Variants in VPS13C observed in about 807,000 individuals in gnomAD.
VPS13C encodes the protein vacuolar protein sorting 13 homolog C, also known as intermembrane lipid transfer protein VPS13C.
In VPS13C, 358 loss-of-function variants were observed where a neutral mutation model predicts 456.8. The ratio of observed to expected loss-of-function variants is 0.78; its 90% CI spans 0.72 to 0.86. The LOEUF is 0.86. Among genes scored for constraint, VPS13C ranks in the 40% least tolerant of loss-of-function variants. The pLI, the probability that VPS13C is intolerant of heterozygous loss-of-function variation, is 0.00. For missense variants in VPS13C, 4,818 were observed against 4,385.4 expected (o/e 1.10, Z -2.79); for synonymous variants, 1,578 against 1,486.7 (o/e 1.06, Z -1.41).
intron 16 of VPS13C, 26 bp downstream of exon 16, chr15:62,000,538 T>G: frequency 1.3e-6 from 2 of 1,597,406 alleles, no homozygotes; most frequent in Non-Finnish European, 1.7e-6. Flanking sequence ...GTTTAAAACA[T>G]AAAATCAGCT....
chr15:62,000,547 C>A lies in VPS13C; in HGVS notation c.1353+17G>T, dbSNP rs376246951. The A allele has an allele frequency of 6.3e-6, 10 of 1,598,434 alleles. No individual in the cohort carries two copies. The highest frequency in any genetic ancestry group is 8.5e-6 in the Non-Finnish European group (10 of 1,173,222). On this transcript the variant is annotated intron_variant, in intron 16 of 84. Transcript: ENST00000644861. ...TAACATGTTTAAAACATAAAATCAG[C>A]TAATAAAAATGATTACCTCAACTTG...
At chr15:61,918,995 T>C (rs1170643967) in intron 58 of VPS13C, among the ~76,000 whole-genome samples, 1 of 152,096 alleles carries the variant, frequency 6.6e-6, no homozygotes, top group Non-Finnish European at 1.5e-5. Context: ...GTTCTGAATA[T>C]TTAAAGGAAT....
At chr15:61,889,405 T>C (rs550095471) in intron 67 of VPS13C, among the ~76,000 whole-genome samples, 2 of 152,252 alleles carry the variant, frequency 1.3e-5, no homozygotes, top group African/African-American at 4.8e-5. Flanking sequence ...GTTCATTACA[T>C]AGACTATCTA....
At position 61,897,758 on chromosome 15, in the gene VPS13C, A is replaced by C. The variant is rs567389453; in HGVS notation, c.9106-7358T>G. 5.3e-5 allele frequency among the ~76,000 whole-genome samples: 8 copies of C among 152,282 alleles called. No individual in the cohort carries two copies. The South Asian group carries it at 1.7e-3, about 32-fold the overall frequency. On this transcript the variant is annotated intron_variant, in intron 66 of 84. Transcript: ENST00000644861. ...ATACAGGAAATACAGAAAACACCAC[A>C]AAGATACTCCTCGAGAAGAGCAACT...
chr15:61,889,626 CTG>C (rs2140067578), intron 67 of VPS13C, among the ~76,000 whole-genome samples: 1 of 152,276 alleles, frequency 6.6e-6, no homozygotes, highest in South Asian at 2.1e-4. Context: ...GAGAAAATAA[CTG>C]GTCCCATAAC....
rs374129084 is a variant in VPS13C, at chr15:61,983,890, T to C, written c.1844A>G (p.Asn615Ser). 38 of 1,614,008 alleles carry C rather than the reference T, an allele frequency of 2.4e-5. No homozygotes were observed. In the African/African-American group the frequency reaches 4.5e-4, roughly 19 times the overall value. The part of the protein sequence containing the change: ...SSLLKIKFET[N>S]PEDSPADQTL... ...CTGGTCAGCAGGACTATCCTCCGGA[T>C]TGGTTTCAAATTTAATTTTAAGCAA... Residue 615 changes from asparagine (N) to serine (S), a missense_variant, in exon 20 of 85, where the codon AAT becomes AGT. Physicochemically the swap from Asn to Ser is conservative, Grantham distance 46. This residue lies in a region of VPS13C where 4,552 missense variants were observed against 4,130.6 expected (regional missense o/e 1.10). Coordinates refer to ENST00000644861, the MANE Select transcript of VPS13C (RefSeq NM_020821.3).
intron 1 of VPS13C, among the ~76,000 whole-genome samples, chr15:62,047,400 TGCACTCCAGCCTGGGTGACA>T (rs1000410261): frequency 2.0e-5 from 3 of 151,150 alleles, no homozygotes; most frequent in Non-Finnish European, 2.9e-5. Context: ...ATTGTGCCAC[TGCACTCCAGCCTGGGTGACA>T]GCAAGACTCC....
chr15:62,043,731 GA>G (rs1245459613), intron 2 of VPS13C, among the ~76,000 whole-genome samples: 1 of 152,196 alleles, frequency 6.6e-6, no homozygotes, highest in Non-Finnish European at 1.5e-5. Context: ...CTAATTGGGG[GA>G]TGGAGGGCAT....
intron 3 of VPS13C, among the ~76,000 whole-genome samples, chr15:62,036,724 C>T (rs1015207217): frequency 6.6e-6 from 1 of 152,014 alleles, no homozygotes; most frequent in Non-Finnish European, 1.5e-5. Context: ...GTTCCCTAAA[C>T]CTTTTCTTCT....
chr15:61,949,530 C>T lies in VPS13C; in HGVS notation c.4672G>A (p.Ala1558Thr). 6.2e-7 allele frequency: 1 copy of T among 1,613,406 alleles called. No individual in the cohort carries two copies. Among genetic ancestry groups the T allele is most frequent in the Middle Eastern group, 1.7e-4 (1 of 6,060 alleles). Residue 1558 changes from alanine to threonine, a missense_variant, in exon 42 of 85, where the codon GCT becomes ACT. Physicochemically the swap from Ala to Thr is moderately conservative, Grantham distance 58. Transcript: ENST00000644861. The stretch of plus-strand genomic sequence containing the variant: ...GAAGAGGAAGGCTCAGAGAATGGAG[C>T]AGCAGATGATAAAAAATCCATGAAG... ...LSFMDFLSSA[A>T]PFSEPSSSEK...
chr15:61,960,613 A>G (rs973487634), intron 35 of VPS13C, among the ~76,000 whole-genome samples: 3 of 152,222 alleles, frequency 2.0e-5, no homozygotes, highest in African/African-American at 7.2e-5. Flanking sequence ...CTATTCTCAA[A>G]TGATTTAGCA....
chr15:61,884,690 A>C (rs1439430200), intron 67 of VPS13C, among the ~76,000 whole-genome samples: 1 of 152,004 alleles, frequency 6.6e-6, no homozygotes, highest in Non-Finnish European at 1.5e-5. Context: ...ATTAATGAAA[A>C]AAAAAACTTC....
Position 61,867,575 on chromosome 15 carries a change from C to T in VPS13C, c.10863+1084G>A. 9.8e-7 allele frequency: 1 copy of T among 1,024,686 alleles called. No homozygotes were observed. The highest frequency in any genetic ancestry group is 1.2e-6 in the Non-Finnish European group (1 of 856,674). The allele number at this position is 1,024,686 out of a possible 1,614,324, so 63.5% of individuals were successfully genotyped here. ...TGGACATAATAATTGTCCTGTTTTT[C>T]AATTTTACCTGAAATGCACATGAAC... On this transcript the variant is annotated intron_variant, in intron 81 of 84. Coordinates refer to ENST00000644861, the MANE Select transcript of VPS13C (RefSeq NM_020821.3). The surrounding 1 kb of genome is among the most constrained non-coding windows in gnomAD (Gnocchi z 5.0).
chr15:61,970,834 A>G (rs984752598), intron 27 of VPS13C, among the ~76,000 whole-genome samples: 1 of 150,848 alleles, frequency 6.6e-6, no homozygotes, highest in Admixed American at 6.6e-5. Context: ...TAAGATGACA[A>G]TTGAACAAAT....
In VPS13C at chr15:61,890,871, A is replaced by AC. The variant is rs1395706012; in HGVS notation, c.9106-472dup. Among the ~76,000 whole-genome samples, 12 of 152,230 alleles carry AC rather than the reference A, an allele frequency of 7.9e-5. 1 individual carries two copies. The highest frequency in any genetic ancestry group is 1.3e-4 in the Admixed American group (2 of 15,284). On this transcript the variant is annotated intron_variant, in intron 66 of 84. Coordinates refer to ENST00000644861, the MANE Select transcript of VPS13C (RefSeq NM_020821.3). ...AGACCAGCCTGGCCAACATGGTGAA[A>AC]CCCCGTCTCCACTAAAAATACAAAA... is the stretch of plus-strand genomic sequence containing the variant.
rs1200098380 is a variant in VPS13C, at chr15:61,867,832, T to G, written c.10863+827A>C. 2 of 1,540,362 alleles carry G rather than the reference T, an allele frequency of 1.3e-6. No individual in the cohort carries two copies. Among genetic ancestry groups the G allele is most frequent in the South Asian group, 2.5e-5 (2 of 79,764 alleles). ...GTGAGAGTTTTAAAGAAAATTTCATTAAAATTGACAATGGAATTCACACAC... is the reference window on the plus strand; with the variant it reads ...GTGAGAGTTTTAAAGAAAATTTCATGAAAATTGACAATGGAATTCACACAC... On this transcript the variant is annotated intron_variant, in intron 81 of 84. Transcript: ENST00000644861. This position sits in a 1 kb window ranked among gnomAD's most constrained non-coding sequence, Gnocchi z 5.0.
At chr15:61,969,483 TAAG>T in intron 27 of VPS13C, 31 bp from the exon 28 acceptor site, 5 of 1,449,928 alleles carry the variant, frequency 3.4e-6, no homozygotes, top group Non-Finnish European at 4.6e-6. Context: ...GAAAAGTTGA[TAAG>T]AAGTCTGAAT....
Position 61,940,700 on chromosome 15 carries a change from A to G in VPS13C, c.5548T>C (p.Trp1850Arg), listed in dbSNP as rs776865785. 1 of 1,613,844 alleles carries G rather than the reference A, an allele frequency of 6.2e-7. No individual in the cohort carries two copies. The highest frequency in any genetic ancestry group is 1.1e-5 in the South Asian group (1 of 91,008). ...LSIQRNLAAA[W>R]YVQIPGMEIK... ...TCCATCCCTGGAATTTGCACATACC[A>G]TGCTGCTGCTAAGTTTCGCTGTATG... is the stretch of plus-strand genomic sequence containing the variant. The change falls in exon 47 of 85, where the codon TGG becomes CGG. Residue 1850 changes from tryptophan to arginine, a missense_variant. By Grantham distance (101) the Trp-to-Arg change is moderately radical. Transcript: ENST00000644861.
chr15:62,026,808 C>T (rs2047656824), intron 6 of VPS13C, among the ~76,000 whole-genome samples: 1 of 152,048 alleles, frequency 6.6e-6, no homozygotes, highest in Non-Finnish European at 1.5e-5. Flanking sequence ...CCTACTTCAT[C>T]AAGGGAATTC....
Sources: allele counts gnomAD v4.1 joint callset (sites outside exome capture counted in the v4.1 genomes callset), GRCh38; gene constraint gnomAD v4.1.1; regional missense constraint gnomAD v4.1.1; non-coding constraint Gnocchi (gnomAD v3.1); transcripts MANE v1.5; gene names NCBI Gene and HGNC (gene_info 2026-07-23, HGNC 2026-07-21).